DUOXA2: variants seen among roughly 807,000 people sequenced by gnomAD.
DUOXA2 encodes the protein dual oxidase maturation factor 2.
A neutral mutation model predicts 27.6 loss-of-function variants in DUOXA2; 22 were observed. The observed-to-expected ratio is 0.80, with a 90% CI of 0.57 to 1.14. DUOXA2 has a LOEUF of 1.14. Ranked by LOEUF, DUOXA2 falls within the 50% of genes most tolerant of loss-of-function variation. DUOXA2 has a pLI of 0.00. For missense variants in DUOXA2, 481 were observed against 419.9 expected (o/e 1.15, Z -1.27); for synonymous variants, 188 against 184.4 (o/e 1.02, Z -0.16).
Position 45,115,855 on chromosome 15 carries a change from G to A in DUOXA2, c.204G>A (p.Val68=). 1 of 1,614,052 alleles carries A rather than the reference G, an allele frequency of 6.2e-7. No homozygotes were observed. The highest frequency in any genetic ancestry group is 1.1e-5 in the South Asian group (1 of 91,082). ...LLSLFIGAEI[V]AVHFSAEWFV... ...GTCTGTTCATAGGCGCAGAAATTGT[G>A]GGTGAGTGTGTGGTGCAGCCCATGG... is the stretch of plus-strand genomic sequence containing the variant. The change falls in exon 2 of 6, where the codon GTG becomes GTA. Residue 68 remains valine, a splice_region_variant and synonymous_variant. Coordinates refer to ENST00000323030, the MANE Select transcript of DUOXA2 (RefSeq NM_207581.4).
chr15:45,115,714 G>T, intron 1 of DUOXA2, 85 bp from the exon 2 acceptor site: 14 of 1,500,122 alleles, frequency 9.3e-6, no homozygotes, highest in Non-Finnish European at 1.3e-5. Flanking sequence ...TATAACTAAA[G>T]ATCCAGGTGA....
chr15:45,116,760 T>A lies in DUOXA2; in HGVS notation c.554+31T>A, dbSNP rs560539864. 6.2e-3 allele frequency: 9,518 copies of A among 1,543,624 alleles called. 559 individuals are homozygous for A. The African/African-American group carries it at 0.12, about 19-fold the overall frequency. On this transcript the variant is annotated intron_variant, in intron 4 of 5. Coordinates refer to ENST00000323030, the MANE Select transcript of DUOXA2 (RefSeq NM_207581.4). ...TGCTGGAGGGAAGGCTGTGTGCACG[T>A]GTGTGTGTGCCAGGAGCTGGGCCGT...
intron 1 of DUOXA2, chr15:45,115,249 A>C (rs1438231026): frequency 8.5e-6 from 3 of 354,098 alleles, no homozygotes; most frequent in African/African-American, 6.4e-5. Flanking sequence ...AACTGGGTGC[A>C]TTGTCTTAGA....
At chr15:45,116,304 C>A (rs569158914) in intron 3 of DUOXA2, 46 bp downstream of exon 3, 4 of 1,609,942 alleles carry the variant, frequency 2.5e-6, no homozygotes, top group Non-Finnish European at 3.4e-6. Context: ...GGGAGATCCC[C>A]GGTTAGGTGA....
chr15:45,114,797 G>A lies in DUOXA2; in HGVS notation c.147+45G>A, dbSNP rs376075815. ...GCAGGTAGAGTGGGGGAAGGCTCAT[G>A]GGCAGATTGTCTCCTGAGGGACCCA... On this transcript the variant is annotated intron_variant, in intron 1 of 5. Transcript: ENST00000323030. 18 of 1,613,726 alleles carry A rather than the reference G, an allele frequency of 1.1e-5. No individual in the cohort carries two copies. The African/African-American group carries it at 2.0e-4, about 18-fold the overall frequency.
rs1894778603 is a variant in DUOXA2 at position 45,117,905 on chromosome 15, T to C, written c.959T>C (p.Leu320Pro). 6.2e-7 allele frequency: 1 copy of C among 1,613,204 alleles called. No individual in the cohort carries two copies. The highest frequency in any genetic ancestry group is 8.5e-7 in the Non-Finnish European group (1 of 1,179,970). The stretch of plus-strand genomic sequence containing the variant: ...GACTTAAAATGTATCACCACTAACC[T>C]GTGAGGGGGACCCAATCTGGACTCC... The part of the protein sequence containing the change: ...LPDLKCITTN[L>P] Residue 320 changes from leucine to proline, a missense_variant, in exon 6 of 6, where the codon CTG becomes CCG. Physicochemically the swap from Leu to Pro is moderately conservative, Grantham distance 98. Transcript: ENST00000323030.
In DUOXA2 at chr15:45,116,212, T is replaced by A; in HGVS notation, c.294T>A (p.Arg98=). 1 of 1,613,862 alleles carries A rather than the reference T, an allele frequency of 6.2e-7. No individual in the cohort carries two copies. Among genetic ancestry groups the A allele is most frequent in the Non-Finnish European group, 8.5e-7 (1 of 1,179,958 alleles). The change falls in exon 3 of 6, where the codon CGT becomes CGA. Residue 98 remains arginine (R), a synonymous_variant. Coordinates refer to ENST00000323030, the MANE Select transcript of DUOXA2 (RefSeq NM_207581.4). The part of the protein sequence containing the change: ...KAFSAARVTA[R]VRLLVGLEGI... ...TCAGCGCAGCGCGCGTTACAGCCCG[T>A]GTCCGTCTGCTCGTGGGCCTGGAGG...
chr15:45,117,613 G>T (rs760211592), intron 5 of DUOXA2, 103 bp from the exon 6 acceptor site: 2 of 1,613,586 alleles, frequency 1.2e-6, no homozygotes, highest in Admixed American at 1.7e-5. Context: ...CACTTTGGGA[G>T]GTCGAGGCAG....
In DUOXA2 at chr15:45,115,694, A is replaced by G. The variant is rs531291202; in HGVS notation, c.148-105A>G. The G allele has an allele frequency of 8.7e-6, 12 of 1,378,472 alleles. No individual in the cohort carries two copies. In the South Asian group the frequency reaches 1.2e-4, roughly 14 times the overall value. The allele number at this position is 1,378,472 out of a possible 1,614,324, so 85.4% of individuals were successfully genotyped here. A position where few individuals can be genotyped will look rare whatever the true frequency, so the allele number is the denominator to read the frequency against. ...AAAAGCGTGCCTAACATTAGTCTCA[A>G]AAGTCTGGATATAACTAAAGATCCA... On this transcript the variant is annotated intron_variant, in intron 1 of 5. Coordinates refer to ENST00000323030, the MANE Select transcript of DUOXA2 (RefSeq NM_207581.4).
intron 4 of DUOXA2, 141 bp from the exon 5 acceptor site, chr15:45,116,950 C>T (rs1286940452): frequency 1.7e-6 from 2 of 1,150,472 alleles, no homozygotes; most frequent in African/African-American, 1.5e-5. Flanking sequence ...GCCCGCTTCT[C>T]CCCCGGGGAA....
intron 5 of DUOXA2, 97 bp from the exon 6 acceptor site, chr15:45,117,619 G>C: frequency 6.2e-7 from 1 of 1,613,780 alleles, no homozygotes. Flanking sequence ...GGGAGGTCGA[G>C]GCAGGAAGGT....
chr15:45,115,265 C>T (rs1480146644), intron 1 of DUOXA2: 3 of 362,968 alleles, frequency 8.3e-6, no homozygotes, highest in Admixed American at 3.7e-5. Flanking sequence ...TTAGACTTTC[C>T]CCCTCTCCCA....
intron 5 of DUOXA2, 123 bp downstream of exon 5, chr15:45,117,428 C>A: frequency 6.6e-7 from 1 of 1,523,016 alleles, no homozygotes. Flanking sequence ...CTCAATAGTT[C>A]GCAGAAACAG....
At chr15:45,117,550 G>A in intron 5 of DUOXA2, 166 bp from the exon 6 acceptor site, 3 of 1,577,544 alleles carry the variant, frequency 1.9e-6, no homozygotes, top group Non-Finnish European at 2.6e-6. Flanking sequence ...GTAACACAAG[G>A]GGTAGGCTCC....
Position 45,117,900 on chromosome 15 carries a change from T to A in DUOXA2, c.954T>A (p.Thr318=), listed in dbSNP as rs1310027376. The change falls in exon 6 of 6, where the codon ACT becomes ACA. Residue 318 remains threonine, a synonymous_variant. Transcript: ENST00000323030. ...TCCCAGACTTAAAATGTATCACCAC[T>A]AACCTGTGAGGGGGACCCAATCTGG... The part of the protein sequence containing the change: ...AALPDLKCIT[T]NL The A allele has an allele frequency of 6.2e-7, 1 of 1,613,334 alleles. No homozygotes were observed. Among genetic ancestry groups the A allele is most frequent in the Non-Finnish European group, 8.5e-7 (1 of 1,180,024 alleles).
intron 4 of DUOXA2, 113 bp downstream of exon 4, chr15:45,116,842 C>A: frequency 7.5e-7 from 1 of 1,325,040 alleles, no homozygotes; most frequent in Non-Finnish European, 1.1e-6. Flanking sequence ...AGACCCGACG[C>A]GCTCGGGGTG....
At chr15:45,117,362 G>T in intron 5 of DUOXA2, 57 bp downstream of exon 5, 2 of 1,519,544 alleles carry the variant, frequency 1.3e-6, no homozygotes, top group East Asian at 4.8e-5. Context: ...ATTCACACCG[G>T]GTGTGCACTT....
In DUOXA2 at chr15:45,116,627, C is replaced by G. The variant is rs1166147265; in HGVS notation, c.452C>G (p.Pro151Arg). 1.2e-6 allele frequency: 2 copies of G among 1,613,780 alleles called. No individual in the cohort carries two copies. The highest frequency in any genetic ancestry group is 1.7e-6 in the Non-Finnish European group (2 of 1,180,046). The change falls in exon 4 of 6, where the codon CCG (proline) becomes CGG (arginine). Residue 151 changes from proline to arginine, a missense_variant. Transcript: ENST00000323030. Reference sequence around the variant, plus strand: ...GCGAACGCACTGGAGAAGGGGCTGCCGGACCCAGTGCTCTACCTGGCGGAG... The same window carrying G: ...GCGAACGCACTGGAGAAGGGGCTGCGGGACCCAGTGCTCTACCTGGCGGAG... ...EYANALEKGL[P>R]DPVLYLAEKF...
chr15:45,115,503 C>G (rs1307274569), intron 1 of DUOXA2: 4 of 595,514 alleles, frequency 6.7e-6, no homozygotes, highest in South Asian at 6.1e-5. Flanking sequence ...GAGGCAGAAC[C>G]AGGACCAGGC....
Sources: allele counts gnomAD v4.1 joint callset, GRCh38; gene constraint gnomAD v4.1.1; transcripts MANE v1.5; gene names NCBI Gene and HGNC (gene_info 2026-07-23, HGNC 2026-07-21).